Variants in LEPR observed in about 807,000 individuals in gnomAD.
LEPR encodes the protein leptin receptor, also known as OB receptor.
A neutral mutation model predicts 114.7 loss-of-function variants in LEPR; 56 were observed. That is an observed-to-expected ratio of 0.49 (90% CI 0.39 to 0.61). The LOEUF is 0.61. Among genes scored for constraint, LEPR ranks in the 20% least tolerant of loss-of-function variants. The pLI is 0.00. For missense variants in LEPR, 1,202 were observed against 1,352.9 expected, an observed-to-expected ratio of 0.89 and a Z score of 1.75; for synonymous variants, 443 against 461.4, an observed-to-expected ratio of 0.96 and a Z score of 0.51.
chr1:65,554,759 A>G (rs563905640), intron 2 of LEPR, among the ~76,000 whole-genome samples: 213 of 138,810 alleles, frequency 1.5e-3, no homozygotes, highest in African/African-American at 5.5e-3. Flanking sequence ...CTGGGGTATG[A>G]AAAAAAAAAC....
chr1:65,525,493 C>T (rs1649876979), intron 2 of LEPR: 1 of 327,038 alleles, frequency 3.1e-6, no homozygotes, highest in Non-Finnish European at 4.4e-6. Flanking sequence ...TCCCCGCCGC[C>T]GCCCCCGCCA....
At chr1:65,569,707 TAAAAAAAAAA>T (rs199787348) in intron 3 of LEPR, among the ~76,000 whole-genome samples, 33,443 of 92,826 alleles carry the variant, frequency 0.36, 5,339 homozygotes, top group East Asian at 0.8. Flanking sequence ...AATTCCATCT[TAAAAAAAAAA>T]AAAAAAAAAA....
Position 65,610,202 on chromosome 1 carries a change from G to A in LEPR, c.1913-12G>A. ...TTCTTCAAAAACATATACACAACTTGTCATTTTGCAGTTCCTATGAGAGGA... is the reference window on the plus strand; with the variant it reads ...TTCTTCAAAAACATATACACAACTTATCATTTTGCAGTTCCTATGAGAGGA... On this transcript the variant is annotated splice_polypyrimidine_tract_variant and intron_variant, in intron 13 of 19. Transcript: ENST00000349533. 1 of 1,614,040 alleles carries A rather than the reference G, an allele frequency of 6.2e-7. No homozygotes were observed. The highest frequency in any genetic ancestry group is 8.5e-7 in the Non-Finnish European group (1 of 1,179,942).
chr1:65,514,958 C>G (rs1332536391), intron 2 of LEPR, among the ~76,000 whole-genome samples: 3 of 152,230 alleles, frequency 2.0e-5, no homozygotes, highest in African/African-American at 4.8e-5. Context: ...TTAGATGAAT[C>G]AGATAATGTT....
At chr1:65,565,027 G>A (rs973273436) in intron 2 of LEPR, among the ~76,000 whole-genome samples, 1 of 151,984 alleles carries the variant, frequency 6.6e-6, no homozygotes, top group Non-Finnish European at 1.5e-5. Flanking sequence ...ATAAACAATA[G>A]GTTTCCAAAG....
intron 2 of LEPR, among the ~76,000 whole-genome samples, chr1:65,468,619 G>A (rs1250525874): frequency 1.3e-5 from 2 of 152,208 alleles, no homozygotes; most frequent in Non-Finnish European, 2.9e-5. Flanking sequence ...ATTTGGTTGG[G>A]AGAAGGCTGG....
At chr1:65,579,241 G>A (rs888313007) in intron 5 of LEPR, among the ~76,000 whole-genome samples, 1 of 152,200 alleles carries the variant, frequency 6.6e-6, no homozygotes, top group African/African-American at 2.4e-5. Flanking sequence ...TGAGAAGCCT[G>A]GCTGGGGTTG....
At chr1:65,599,842 AT>A (rs1656326216) in intron 8 of LEPR, among the ~76,000 whole-genome samples, 1 of 152,154 alleles carries the variant, frequency 6.6e-6, no homozygotes, top group African/African-American at 2.4e-5. Context: ...GTGTATCTAT[AT>A]TATTAAAATT....
chr1:65,433,888 G>A (rs757639906), intron 2 of LEPR: 115 of 985,096 alleles, frequency 1.2e-4, no homozygotes, highest in South Asian at 1.9e-4. Flanking sequence ...GTTTTAAAAT[G>A]GGCAGTTTTG....
intron 2 of LEPR, among the ~76,000 whole-genome samples, chr1:65,492,388 G>T (rs555289787): frequency 6.6e-6 from 1 of 152,002 alleles, no homozygotes; most frequent in African/African-American, 2.4e-5. Context: ...TATGCGTGAA[G>T]TTATTAATTG....
At chr1:65,433,207 C>A in intron 2 of LEPR, 1 of 985,452 alleles carries the variant, frequency 1.0e-6, no homozygotes, top group Non-Finnish European at 1.2e-6. Flanking sequence ...TTTGCCCTGA[C>A]TTCTCTACGG....
intron 2 of LEPR, among the ~76,000 whole-genome samples, chr1:65,474,523 G>T (rs1179437080): frequency 6.6e-6 from 1 of 152,166 alleles, no homozygotes; most frequent in Non-Finnish European, 1.5e-5. Flanking sequence ...ATTAGCAAGA[G>T]AAGTCTTTGA....
rs1658745959 is a variant in LEPR, at chr1:65,637,144, G to T, written c.*129G>T. The T allele has an allele frequency of 2.7e-6, 3 of 1,120,880 alleles. No homozygotes were observed. The highest frequency in any genetic ancestry group is 1.5e-5 in the South Asian group (1 of 65,268). 69.4% of individuals were successfully genotyped at this position (1,120,880 alleles called of 1,614,324 possible). A position where few individuals can be genotyped will look rare whatever the true frequency, so the allele number is the denominator to read the frequency against. On this transcript the variant is annotated 3_prime_UTR_variant, in exon 20 of 20. Transcript: ENST00000349533. ...AAAATAATTGTTCCAAATGAATGTT[G>T]TCTGTTTGTTCTCTCTTAGTAACAT... is the stretch of plus-strand genomic sequence containing the variant.
intron 1 of LEPR, among the ~76,000 whole-genome samples, chr1:65,422,646 G>A (rs1261003700): frequency 1.3e-5 from 2 of 152,270 alleles, no homozygotes; most frequent in African/African-American, 2.4e-5. Flanking sequence ...AAGGCATGGA[G>A]TGAAGGTGGA....
chr1:65,447,390 C>T (rs906973323), intron 2 of LEPR, among the ~76,000 whole-genome samples: 1 of 152,142 alleles, frequency 6.6e-6, no homozygotes, highest in South Asian at 2.1e-4. Context: ...GACTGTCTCT[C>T]CATTTATTTA....
chr1:65,524,615 T>G (rs1467273261), intron 2 of LEPR, among the ~76,000 whole-genome samples: 1 of 152,196 alleles, frequency 6.6e-6, no homozygotes, highest in Non-Finnish European at 1.5e-5. Flanking sequence ...CAACTCACTT[T>G]CCCTGTGTGC....
At chr1:65,620,511 A>T (rs10889569) in intron 17 of LEPR, among the ~76,000 whole-genome samples, 70,366 of 151,928 alleles carry the variant, frequency 0.46, 17,194 homozygotes, top group East Asian at 0.87. Flanking sequence ...TGATGGGCAA[A>T]AAATAATTAT....
At position 65,601,539 on chromosome 1, in the gene LEPR, A is replaced by G. The variant is rs1057038112; in HGVS notation, c.1142A>G (p.Tyr381Cys). 2 of 1,613,844 alleles carry G rather than the reference A, an allele frequency of 1.2e-6. No homozygotes were observed. The highest frequency in any genetic ancestry group is 1.7e-6 in the Non-Finnish European group (2 of 1,179,768). ...NLAEKIPQSQ[Y>C]DVVSDHVSKV... ...GCTGAGAAAATTCCTCAAAGCCAGT[A>G]TGATGTTGTGAGTGATCATGTTAGC... is the stretch of plus-strand genomic sequence containing the variant. Residue 381 changes from tyrosine to cysteine, a missense_variant, in exon 9 of 20, where the codon TAT becomes TGT. Coordinates refer to ENST00000349533, the MANE Select transcript of LEPR (RefSeq NM_002303.6).
At chr1:65,539,429 C>A (rs564852562) in intron 2 of LEPR, among the ~76,000 whole-genome samples, 25 of 152,178 alleles carry the variant, frequency 1.6e-4, no homozygotes, top group Admixed American at 5.2e-4. Context: ...TGCATATGGG[C>A]AGTGTTTTAT....
Sources: gnomAD v4.1 joint callset for allele counts (sites outside exome capture counted in the v4.1 genomes callset) on GRCh38, gnomAD v4.1.1 for gene constraint, MANE v1.5 for transcripts, NCBI Gene and HGNC (gene_info 2026-07-23, HGNC 2026-07-21) for gene names.